The following GFOD1 variants were observed in gnomAD, a reference collection of about 807,000 sequenced individuals.
GFOD1 encodes glucose-fructose oxidoreductase domain-containing protein 1.
Under a neutral mutation model 25.4 loss-of-function variants are expected in GFOD1, and 9 were observed. That is an observed-to-expected ratio of 0.35 (90% CI 0.21 to 0.62). GFOD1 has a LOEUF of 0.62. GFOD1 is among the 20% of genes least tolerant of loss of function. The pLI is 0.72. For missense variants in GFOD1, 403 were observed against 556.9 expected, an observed-to-expected ratio of 0.72 and a Z score of 2.78; for synonymous variants, 253 against 245.6, an observed-to-expected ratio of 1.03 and a Z score of -0.28.
intron 1 of GFOD1, among the ~76,000 whole-genome samples, chr6:13,468,083 AT>A (rs1416103994): frequency 6.6e-6 from 1 of 152,106 alleles, no homozygotes; most frequent in Non-Finnish European, 1.5e-5. Flanking sequence ...TCATTATGAT[AT>A]TTTTTTAAAA....
chr6:13,381,915 G>GT (rs1554199973), intron 1 of GFOD1, among the ~76,000 whole-genome samples: 2 of 140,052 alleles, frequency 1.4e-5, no homozygotes, highest in Admixed American at 1.4e-4. Flanking sequence ...ACGCGCGCGC[G>GT]CACACACACA....
chr6:13,455,949 T>G (rs1411352623), intron 1 of GFOD1, among the ~76,000 whole-genome samples: 1 of 152,226 alleles, frequency 6.6e-6, no homozygotes, highest in Non-Finnish European at 1.5e-5. Flanking sequence ...CTGTCTTGAC[T>G]GCTGTTTATT....
Position 13,366,487 on chromosome 6 carries a change from C to T in GFOD1, c.254-825G>A, listed in dbSNP as rs548206939. Among the ~76,000 whole-genome samples the T allele has an allele frequency of 2.5e-4, 38 of 152,332 alleles. No homozygotes were observed. In the South Asian group the frequency reaches 7.5e-3, roughly 30 times the overall value. On this transcript the variant is annotated intron_variant, in intron 1 of 1. Coordinates refer to ENST00000379287, the MANE Select transcript of GFOD1 (RefSeq NM_018988.4). The stretch of plus-strand genomic sequence containing the variant: ...AGTAGTTGAGATTACAGGCGCCCGC[C>T]ACCATGCCCAGCTAATTTTTGTATT...
chr6:13,404,803 C>T (rs181113130), intron 1 of GFOD1, among the ~76,000 whole-genome samples: 2 of 152,302 alleles, frequency 1.3e-5, no homozygotes, highest in Admixed American at 6.5e-5. Flanking sequence ...TTCATGGGAT[C>T]GGCCATGTAA....
rs538677169 is a variant in GFOD1 at position 13,414,605 on chromosome 6, CCCATCTGTAAAATGGAGA to C, written c.254-48961_254-48944del. 2.1e-3 allele frequency among the ~76,000 whole-genome samples: 318 copies of C among 152,304 alleles called. 1 individual carries two copies. Among genetic ancestry groups the C allele is most frequent in the Non-Finnish European group, 3.9e-3 (265 of 68,028 alleles). The stretch of plus-strand genomic sequence containing the variant: ...TGTGATCTCTCTGTGCCTCCATAGC[CCCATCTGTAAAATGGAGA>C]CCAATAAACAGCATGCATATCATAG... On this transcript the variant is annotated intron_variant, in intron 1 of 1. Transcript: ENST00000379287.
At chr6:13,469,783 T>C (rs1186684080) in intron 1 of GFOD1, 8 of 1,138,356 alleles carry the variant, frequency 7.0e-6, no homozygotes, top group Non-Finnish European at 9.2e-6. Context: ...TTAACCTCTC[T>C]ACAGTGAAAT....
At chr6:13,416,957 G>A (rs963574050) in intron 1 of GFOD1, among the ~76,000 whole-genome samples, 16 of 152,158 alleles carry the variant, frequency 1.1e-4, no homozygotes, top group African/African-American at 3.9e-4. Flanking sequence ...GGTAGAGCCT[G>A]GCTGAGACAC....
chr6:13,408,575 T>C (rs1034454945), intron 1 of GFOD1, among the ~76,000 whole-genome samples: 24 of 151,984 alleles, frequency 1.6e-4, no homozygotes, highest in Non-Finnish European at 1.9e-4. Context: ...CAAAATAAAA[T>C]CCAGCCAGGA....
In GFOD1 at chr6:13,365,698, G is replaced by A. The variant is rs1236463946; in HGVS notation, c.254-36C>T. 1.4e-6 allele frequency: 2 copies of A among 1,455,756 alleles called. No homozygotes were observed. Among genetic ancestry groups the A allele is most frequent in the Non-Finnish European group, 1.9e-6 (2 of 1,056,878 alleles). The allele number at this position is 1,455,756 out of a possible 1,614,324, so 90.2% of individuals were successfully genotyped here. On this transcript the variant is annotated intron_variant, in intron 1 of 1. Transcript: ENST00000379287. The surrounding 1 kb of genome is among the most constrained non-coding windows in gnomAD (Gnocchi z 9.2). The stretch of plus-strand genomic sequence containing the variant: ...GAGGAAGACAGCGGTCAGCGGGGCA[G>A]GACCATGTCCGAGCGCGCGTCCCTG...
chr6:13,443,408 AAAG>A (rs1196432365), intron 1 of GFOD1, among the ~76,000 whole-genome samples: 1 of 152,240 alleles, frequency 6.6e-6, no homozygotes, highest in Non-Finnish European at 1.5e-5. Context: ...TCCAATTTTG[AAAG>A]AAGTTCTACT....
At chr6:13,398,260 T>TTA (rs1423391329) in intron 1 of GFOD1, among the ~76,000 whole-genome samples, 3 of 152,098 alleles carry the variant, frequency 2.0e-5, no homozygotes, top group South Asian at 4.2e-4. Context: ...CATTAGTCAG[T>TTA]TATTACTGTT....
intron 1 of GFOD1, among the ~76,000 whole-genome samples, chr6:13,437,823 T>C (rs1003097457): frequency 6.6e-6 from 1 of 152,074 alleles, no homozygotes; most frequent in Non-Finnish European, 1.5e-5. Flanking sequence ...TGCACTTGAG[T>C]TTGCAAGAGT....
chr6:13,486,205 T>A, intron 1 of GFOD1: 5 of 977,242 alleles, frequency 5.1e-6, no homozygotes, highest in Non-Finnish European at 6.0e-6. Context: ...CGCACTCGCC[T>A]CTCCCAGGCG....
chr6:13,376,594 T>C (rs1785261535), intron 1 of GFOD1, among the ~76,000 whole-genome samples: 1 of 152,142 alleles, frequency 6.6e-6, no homozygotes, highest in African/African-American at 2.4e-5. Flanking sequence ...TAAAAGAGGC[T>C]GAGATACAAG....
intron 1 of GFOD1, among the ~76,000 whole-genome samples, chr6:13,371,046 A>G (rs78385527): frequency 0.011 from 1,693 of 152,270 alleles, 29 homozygotes; most frequent in African/African-American, 0.038. Context: ...TTTAGAGAAA[A>G]GCACTCTCTC....
At chr6:13,484,185 T>C (rs1758815534) in intron 1 of GFOD1, among the ~76,000 whole-genome samples, 1 of 152,116 alleles carries the variant, frequency 6.6e-6, no homozygotes, top group Admixed American at 6.5e-5. Context: ...GCCCCTTACT[T>C]TGACAGGCCT....
intron 1 of GFOD1, among the ~76,000 whole-genome samples, chr6:13,421,188 G>A (rs1330048444): frequency 6.6e-6 from 1 of 152,172 alleles, no homozygotes; most frequent in Non-Finnish European, 1.5e-5. Flanking sequence ...ATATAAAAAT[G>A]TGAGTAAAAA....
At chr6:13,412,927 C>T (rs544611330) in intron 1 of GFOD1, among the ~76,000 whole-genome samples, 25 of 152,302 alleles carry the variant, frequency 1.6e-4, no homozygotes, top group African/African-American at 1.7e-4. Context: ...GTTGCTATGA[C>T]GATAAGCATG....
chr6:13,379,665 G>A (rs1252997005), intron 1 of GFOD1, among the ~76,000 whole-genome samples: 1 of 152,192 alleles, frequency 6.6e-6, no homozygotes, highest in Non-Finnish European at 1.5e-5. Flanking sequence ...ACATTTCCGT[G>A]AGGAACTAAG....
Sources: allele counts gnomAD v4.1 joint callset (sites outside exome capture counted in the v4.1 genomes callset), GRCh38; gene constraint gnomAD v4.1.1; non-coding constraint Gnocchi (gnomAD v3.1); transcripts MANE v1.5; gene names NCBI Gene and HGNC (gene_info 2026-07-23, HGNC 2026-07-21).